ACTR8: variants seen among roughly 807,000 people sequenced by gnomAD.
ACTR8 encodes the protein actin related protein 8.
In ACTR8, 70 loss-of-function variants were observed where a neutral mutation model predicts 84.3. The ratio of observed to expected loss-of-function variants is 0.83; its 90% confidence interval spans 0.68 to 1.01. ACTR8 has a LOEUF of 1.01. Among genes scored for constraint, ACTR8 ranks in the 50% least tolerant of loss-of-function variants. The pLI is 0.00. For synonymous variants in ACTR8, 268 were observed against 275.2 expected (o/e 0.97, Z 0.26); for missense variants, 672 against 775.4 (o/e 0.87, Z 1.58).
chr3:53,878,579 G>C, intron 2 of ACTR8, 112 bp from the exon 3 acceptor site: 1 of 714,502 alleles, frequency 1.4e-6, no homozygotes, highest in Non-Finnish European at 2.5e-6. Context: ...TCAACAAGTA[G>C]CGTTTCCTTA....
chr3:53,868,936 C>A lies in ACTR8; in HGVS notation c.1732-74G>T. ...TCAATCATTTACTTGAATATGGGGC[C>A]GAGAAAAATCCCTGCTGAGTCAATA... On this transcript the variant is annotated intron_variant, in intron 12 of 12. Transcript: ENST00000335754. 7.8e-6 allele frequency: 12 copies of A among 1,533,096 alleles called. No individual in the cohort carries two copies. The South Asian group carries it at 1.5e-4, about 20-fold the overall frequency. 95.0% of individuals were successfully genotyped at this position (1,533,096 alleles called of 1,614,324 possible). A position where few individuals can be genotyped will look rare whatever the true frequency, so the allele number is the denominator to read the frequency against.
chr3:53,863,859 G>A (rs896317108), downstream of ACTR8, among the ~76,000 whole-genome samples: 2 of 143,388 alleles, frequency 1.4e-5, no homozygotes, highest in Non-Finnish European at 3.0e-5. Flanking sequence ...GTCTCACTCT[G>A]TTGCCCAGGC....
chr3:53,865,089 C>G (rs1179626090), downstream of ACTR8: 1 of 1,614,054 alleles, frequency 6.2e-7, no homozygotes, highest in African/African-American at 1.3e-5. Flanking sequence ...TTAACCTTTT[C>G]TGCAGTGATC....
At chr3:53,862,669 T>A (rs1699607465), downstream of ACTR8, among the ~76,000 whole-genome samples, 1 of 152,196 alleles carries the variant, frequency 6.6e-6, no homozygotes, top group Non-Finnish European at 1.5e-5. Context: ...GAGGTGATGA[T>A]GAAGACGACA....
intron 2 of ACTR8, among the ~76,000 whole-genome samples, chr3:53,879,599 G>C (rs957735276): frequency 1.3e-5 from 2 of 152,098 alleles, no homozygotes; most frequent in Non-Finnish European, 2.9e-5. Flanking sequence ...GACTTAAACT[G>C]TAAGTATCTG....
At chr3:53,878,779 G>A (rs111611160) in intron 2 of ACTR8, among the ~76,000 whole-genome samples, 10,550 of 152,078 alleles carry the variant, frequency 0.069, 526 homozygotes, top group East Asian at 0.23. Context: ...AGCCGAGATC[G>A]CACCACTGTA....
downstream of ACTR8, among the ~76,000 whole-genome samples, chr3:53,865,972 G>A (rs565144326): frequency 3.3e-5 from 5 of 152,296 alleles, no homozygotes; most frequent in East Asian, 9.6e-4. Context: ...CCTATTAGAG[G>A]TCACTGTCAG....
At position 53,868,672 on chromosome 3, in the gene ACTR8, A is replaced by G; in HGVS notation, c.*47T>C. On this transcript the variant is annotated 3_prime_UTR_variant, in exon 13 of 13. Coordinates refer to ENST00000335754, the MANE Select transcript of ACTR8 (RefSeq NM_022899.5). ...CACATATTCTGTAAGAGTCTTTTAT[A>G]CCAAGAAGCTTGTTTTTGGTCTTCG... 1 of 1,603,704 alleles carries G rather than the reference A, an allele frequency of 6.2e-7. No individual in the cohort carries two copies. Among genetic ancestry groups the G allele is most frequent in the Non-Finnish European group, 8.5e-7 (1 of 1,174,990 alleles).
At chr3:53,860,940 A>G in the ACTR8 span, 71 of 152,356 alleles carry the variant, frequency 4.7e-4, no homozygotes, top group African/African-American at 1.6e-3. Flanking sequence ...CACAGTTGAG[A>G]GAAACGTGAG....
intron 1 of ACTR8, 48 bp downstream of exon 1, chr3:53,881,931 G>A (rs1331951947): frequency 4.5e-6 from 7 of 1,552,016 alleles, no homozygotes; most frequent in Non-Finnish European, 6.1e-6. Flanking sequence ...GCCTGGCAGC[G>A]GAGGACCCAA....
chr3:53,862,541 T>C (rs1179837572), downstream of ACTR8, among the ~76,000 whole-genome samples: 2 of 151,712 alleles, frequency 1.3e-5, no homozygotes, highest in East Asian at 3.9e-4. Flanking sequence ...GCAAAAAAGG[T>C]GGGGGGTGAA....
intron 8 of ACTR8, among the ~76,000 whole-genome samples, chr3:53,873,593 C>G (rs530081044): frequency 1.3e-5 from 2 of 152,278 alleles, no homozygotes; most frequent in East Asian, 3.9e-4. Flanking sequence ...TCTGTTCTTA[C>G]ATATTTACCT....
intron 1 of ACTR8, among the ~76,000 whole-genome samples, chr3:53,881,281 T>C (rs954190353): frequency 3.3e-5 from 5 of 152,346 alleles, no homozygotes; most frequent in Non-Finnish European, 7.3e-5. Context: ...CTTCTGTGAA[T>C]TGTACACTGC....
downstream of ACTR8, among the ~76,000 whole-genome samples, chr3:53,863,369 T>C (rs1413900741): frequency 1.3e-5 from 2 of 152,094 alleles, no homozygotes; most frequent in African/African-American, 4.8e-5. Flanking sequence ...AACCAGAGCA[T>C]TTACATACTC....
At chr3:53,878,040 C>T (rs1401610314) in intron 3 of ACTR8, among the ~76,000 whole-genome samples, 1 of 152,150 alleles carries the variant, frequency 6.6e-6, no homozygotes, top group African/African-American at 2.4e-5. Flanking sequence ...GACTCCTGTC[C>T]ATTCCTATCA....
At chr3:53,876,584 C>T in intron 6 of ACTR8, 36 bp downstream of exon 6, 1 of 1,169,138 alleles carries the variant, frequency 8.6e-7, no homozygotes. Flanking sequence ...AAGAAAATTC[C>T]ATTTAAAATA....
the ACTR8 span, chr3:53,859,208 C>T: frequency 6.3e-6 from 1 of 159,210 alleles, no homozygotes; most frequent in Non-Finnish European, 1.4e-5. Flanking sequence ...CCAGGATGAG[C>T]TTTTGGTGTG....
At chr3:53,864,103 G>A (rs562079360), downstream of ACTR8, among the ~76,000 whole-genome samples, 156 of 152,250 alleles carry the variant, frequency 1.0e-3, no homozygotes, top group African/African-American at 3.6e-3. Flanking sequence ...GATTCCTGGT[G>A]TAAGCCACCA....
In ACTR8 at chr3:53,877,709, G is replaced by C; in HGVS notation, c.448C>G (p.His150Asp). Residue 150 changes from histidine (H) to aspartate (D), a missense_variant, in exon 4 of 13, where the codon CAC becomes GAC. Transcript: ENST00000335754. ...NKQMRPAILD[H>D]CSGNKWTNTS... is the part of the protein sequence containing the mutation. ...TTTGTCCACTTATTTCCCGAACAGT[G>C]ATCTAAAATTGCAGGTCGCATCTGC... is the stretch of plus-strand genomic sequence containing the variant. The C allele has an allele frequency of 3.7e-6, 6 of 1,614,080 alleles. No individual in the cohort carries two copies. The highest frequency in any genetic ancestry group is 5.1e-6 in the Non-Finnish European group (6 of 1,180,004).
Sources: allele counts gnomAD v4.1 joint callset (sites outside exome capture counted in the v4.1 genomes callset), GRCh38; gene constraint gnomAD v4.1.1; transcripts MANE v1.5; gene names NCBI Gene and HGNC (gene_info 2026-07-23, HGNC 2026-07-21).